CAMK1D: variants seen among roughly 807,000 people sequenced by gnomAD.
CAMK1D encodes calcium/calmodulin dependent protein kinase ID, also known as calcium/calmodulin-dependent protein kinase type 1D.
CAMK1D carries 9 observed loss-of-function variants against 47.7 expected under a neutral mutation model. The ratio of observed to expected loss-of-function variants is 0.19; its 90% CI spans 0.11 to 0.33. CAMK1D has a LOEUF of 0.33. Ranked by LOEUF, CAMK1D falls within the 10% of genes least tolerant of loss-of-function variation. CAMK1D has a pLI of 1.00. For synonymous variants in CAMK1D, 184 were observed against 184.9 expected, an observed-to-expected ratio of 0.99 and a Z score of 0.04; for missense variants, 291 against 488.7, an observed-to-expected ratio of 0.60 and a Z score of 3.81.
intron 1 of CAMK1D, among the ~76,000 whole-genome samples, chr10:12,521,238 T>A (rs1228336236): frequency 6.6e-6 from 1 of 152,202 alleles, no homozygotes; most frequent in East Asian, 1.9e-4. Context: ...TCTTTCTTAT[T>A]TCTCATATAA....
In CAMK1D at chr10:12,786,072, G is replaced by T. The variant is rs182322733; in HGVS notation, c.566-5086G>T. Among the ~76,000 whole-genome samples the T allele has an allele frequency of 2.6e-5, 4 of 152,244 alleles. No individual in the cohort carries two copies. The East Asian group carries it at 7.7e-4, about 29-fold the overall frequency. ...AAAAATAGCTATTTGAAGTGATCTTGGTGGGCTTTTTCAAACAATGTTTCA... is the reference window on the plus strand; with the variant it reads ...AAAAATAGCTATTTGAAGTGATCTTTGTGGGCTTTTTCAAACAATGTTTCA... On this transcript the variant is annotated intron_variant, in intron 5 of 10. Coordinates refer to ENST00000619168, the MANE Select transcript of CAMK1D (RefSeq NM_153498.4).
intron 3 of CAMK1D, among the ~76,000 whole-genome samples, chr10:12,693,966 A>T (rs796252936): frequency 0.062 from 1,661 of 26,740 alleles, 67 homozygotes; most frequent in African/African-American, 0.14. Flanking sequence ...TTATATATAA[A>T]ATATATAATA....
Position 12,767,528 on chromosome 10 carries a change from A to G in CAMK1D, c.439-2145A>G, listed in dbSNP as rs568593760. On this transcript the variant is annotated intron_variant, in intron 4 of 10. Transcript: ENST00000619168. The stretch of plus-strand genomic sequence containing the variant: ...TTTTGCCAAGGTCAAGAATGTGCCC[A>G]TGACACAGCCTCAAGAGATCCTGAT... Among the ~76,000 whole-genome samples the G allele has an allele frequency of 2.6e-5, 4 of 152,272 alleles. No individual in the cohort carries two copies. In the South Asian group the frequency reaches 8.3e-4, roughly 32 times the overall value.
chr10:12,463,855 G>A (rs1490878720), intron 1 of CAMK1D, among the ~76,000 whole-genome samples: 2 of 152,116 alleles, frequency 1.3e-5, no homozygotes, highest in African/African-American at 4.8e-5. Context: ...TCTCGTGATA[G>A]TGAGTTCTCA....
chr10:12,649,236 C>T (rs1588732342), intron 2 of CAMK1D, among the ~76,000 whole-genome samples: 2 of 152,206 alleles, frequency 1.3e-5, no homozygotes, highest in East Asian at 3.8e-4. Flanking sequence ...GCAGTTTACA[C>T]AGAAAGTTCA....
At chr10:12,725,569 T>C (rs550849998) in intron 3 of CAMK1D, among the ~76,000 whole-genome samples, 4 of 152,306 alleles carry the variant, frequency 2.6e-5, no homozygotes, top group African/African-American at 9.6e-5. Flanking sequence ...TCTTAAAAAG[T>C]CATAAGTACC....
At chr10:12,424,036 C>T (rs1460207583) in intron 1 of CAMK1D, among the ~76,000 whole-genome samples, 1 of 152,204 alleles carries the variant, frequency 6.6e-6, no homozygotes, top group Admixed American at 6.5e-5. Context: ...TTCATCCACG[C>T]CGTGCGGCCT....
intron 1 of CAMK1D, among the ~76,000 whole-genome samples, chr10:12,518,166 C>A (rs1396379035): frequency 8.5e-5 from 13 of 152,162 alleles, no homozygotes; most frequent in African/African-American, 3.1e-4. Flanking sequence ...CAAAGCTAAG[C>A]ATTAGCAAAC....
intron 1 of CAMK1D, among the ~76,000 whole-genome samples, chr10:12,505,112 T>A (rs1834830231): frequency 6.6e-6 from 1 of 152,216 alleles, no homozygotes; most frequent in Non-Finnish European, 1.5e-5. Context: ...TTGGAGGTGC[T>A]CTGTGAGCAT....
chr10:12,774,944 C>T (rs912914464), intron 5 of CAMK1D, among the ~76,000 whole-genome samples: 9 of 152,296 alleles, frequency 5.9e-5, no homozygotes, highest in Non-Finnish European at 8.8e-5. Flanking sequence ...TTGGGGATCG[C>T]TGCTCTAGGA....
intron 2 of CAMK1D, among the ~76,000 whole-genome samples, chr10:12,603,302 C>A (rs1838360502): frequency 6.6e-6 from 1 of 152,190 alleles, no homozygotes; most frequent in Admixed American, 6.5e-5. Flanking sequence ...CTGGCTCTGC[C>A]TGCTGCGTCC....
rs1299835466 is a variant in CAMK1D, at chr10:12,557,654, G to A, written c.224+4298G>A. Among the ~76,000 whole-genome samples, 12 of 151,734 alleles carry A rather than the reference G, an allele frequency of 7.9e-5. No homozygotes were observed. In the South Asian group the frequency reaches 8.3e-4, roughly 11 times the overall value. ...CAAATAGACTGCCTTAAATTCCAACGTCTTTGTTGATTTCCACACTATTTT... is the reference window on the plus strand; with the variant it reads ...CAAATAGACTGCCTTAAATTCCAACATCTTTGTTGATTTCCACACTATTTT... On this transcript the variant is annotated intron_variant, in intron 2 of 10. Transcript: ENST00000619168.
intron 1 of CAMK1D, among the ~76,000 whole-genome samples, chr10:12,529,644 C>T (rs891847663): frequency 1.7e-4 from 26 of 152,254 alleles, no homozygotes; most frequent in Admixed American, 3.9e-4. Flanking sequence ...GTCATAGAGA[C>T]GAGCCACACA....
At chr10:12,567,861 CT>C (rs1837172607) in intron 2 of CAMK1D, among the ~76,000 whole-genome samples, 1 of 152,114 alleles carries the variant, frequency 6.6e-6, no homozygotes, top group Non-Finnish European at 1.5e-5. Context: ...GAATTTCGAG[CT>C]TGAATCAGAA....
At chr10:12,531,514 A>G (rs1236578553) in intron 1 of CAMK1D, among the ~76,000 whole-genome samples, 1 of 152,238 alleles carries the variant, frequency 6.6e-6, no homozygotes, top group Non-Finnish European at 1.5e-5. Flanking sequence ...GTTACTGATG[A>G]TAAACATAAT....
At chr10:12,523,216 T>C (rs34706264) in intron 1 of CAMK1D, among the ~76,000 whole-genome samples, 80,122 of 146,116 alleles carry the variant, frequency 0.55, 21,704 homozygotes, top group South Asian at 0.68. Flanking sequence ...CTCCCCACAT[T>C]TCAGATGATG....
At chr10:12,702,805 G>C (rs1022238600) in intron 3 of CAMK1D, among the ~76,000 whole-genome samples, 5 of 152,298 alleles carry the variant, frequency 3.3e-5, no homozygotes, top group African/African-American at 1.2e-4. Flanking sequence ...GGATGAGAGG[G>C]GCACATTGTC....
intron 1 of CAMK1D, among the ~76,000 whole-genome samples, chr10:12,446,861 G>A (rs1248190721): frequency 6.6e-6 from 1 of 152,152 alleles, no homozygotes; most frequent in Non-Finnish European, 1.5e-5. Flanking sequence ...TTAGTTGGAT[G>A]TTGACTTCCT....
intron 2 of CAMK1D, among the ~76,000 whole-genome samples, chr10:12,570,244 G>A (rs7910222): frequency 0.048 from 7,243 of 152,184 alleles, 578 homozygotes; most frequent in African/African-American, 0.16. Context: ...CTTGTAAATA[G>A]TTTAGATTTG....
Sources: gnomAD v4.1 joint callset for allele counts (sites outside exome capture counted in the v4.1 genomes callset) on GRCh38, gnomAD v4.1.1 for gene constraint, MANE v1.5 for transcripts, NCBI Gene and HGNC (gene_info 2026-07-23, HGNC 2026-07-21) for gene names.